The following DGKB variants were observed in gnomAD, a reference collection of about 807,000 sequenced individuals.
The protein encoded by DGKB is 90 kDa diacylglycerol kinase.
A neutral mutation model predicts 114.3 loss-of-function variants in DGKB; 67 were observed. That is an observed-to-expected ratio of 0.59 (90% CI 0.48 to 0.72). The LOEUF (loss-of-function observed/expected upper bound fraction) is 0.72. Among genes scored for constraint, DGKB ranks in the 30% least tolerant of loss-of-function variants. The pLI is 0.00. For synonymous variants in DGKB, 398 were observed against 323.1 expected (o/e 1.23, Z -2.49); for missense variants, 907 against 975.2 (o/e 0.93, Z 0.93).
chr7:14,257,180 A>AATAG (rs1562760171), intron 23 of DGKB, among the ~76,000 whole-genome samples: 1 of 151,942 alleles, frequency 6.6e-6, no homozygotes, highest in Admixed American at 6.6e-5. Flanking sequence ...GAATAAAATA[A>AATAG]AAAAATTTAT....
At chr7:14,626,288 T>A (rs1808573516) in intron 14 of DGKB, among the ~76,000 whole-genome samples, 5 of 152,208 alleles carry the variant, frequency 3.3e-5, no homozygotes, top group Admixed American at 3.3e-4. Context: ...AATCTCAGCA[T>A]GAGAAACTGG....
chr7:14,956,015 C>G (rs1176717293), intron 1 of DGKB, among the ~76,000 whole-genome samples: 1 of 151,850 alleles, frequency 6.6e-6, no homozygotes, highest in African/African-American at 2.4e-5. Flanking sequence ...TATGATCATT[C>G]TAAGACAGAT....
At chr7:14,253,598 T>C (rs928015112) in intron 23 of DGKB, among the ~76,000 whole-genome samples, 1 of 152,260 alleles carries the variant, frequency 6.6e-6, no homozygotes, top group Admixed American at 6.5e-5. Context: ...CTCTCTGGCA[T>C]TAAGTTTATC....
intron 23 of DGKB, among the ~76,000 whole-genome samples, chr7:14,291,655 C>G (rs762020278): frequency 6.6e-6 from 1 of 152,102 alleles, no homozygotes; most frequent in Non-Finnish European, 1.5e-5. Flanking sequence ...TCAATGTAAT[C>G]ACTTTTACAG....
In DGKB at chr7:14,786,558, G is replaced by T. The variant is rs114387201; in HGVS notation, c.71-28827C>A. The stretch of plus-strand genomic sequence containing the variant: ...AGGCGGAAGGCCTGTCCCCTTAAGA[G>T]TTGGTGGGCCAGGAGCCCTGCACTC... On this transcript the variant is annotated intron_variant, in intron 2 of 25. Coordinates refer to ENST00000402815, the MANE Select transcript of DGKB (RefSeq NM_001350709.2). Among the ~76,000 whole-genome samples the T allele has an allele frequency of 8.8e-3, 1,333 of 152,330 alleles. 19 individuals are homozygous for T. Among genetic ancestry groups the T allele is most frequent in the African/African-American group, 0.031 (1,270 of 41,582 alleles).
intron 20 of DGKB, among the ~76,000 whole-genome samples, chr7:14,485,384 T>C (rs1449459795): frequency 6.6e-6 from 1 of 151,574 alleles, no homozygotes; most frequent in Admixed American, 6.6e-5. Flanking sequence ...CAATTTTGCC[T>C]GCTGTGAATA....
intron 23 of DGKB, among the ~76,000 whole-genome samples, chr7:14,287,457 C>T (rs10239380): frequency 0.87 from 132,697 of 152,150 alleles, 58,195 homozygotes; most frequent in African/African-American, 0.97. Context: ...AAATGATTTT[C>T]ATCATGGTTG....
intron 1 of DGKB, among the ~76,000 whole-genome samples, chr7:14,927,406 G>A (rs1784799423): frequency 6.6e-6 from 1 of 151,838 alleles, no homozygotes; most frequent in South Asian, 2.1e-4. Context: ...CAAAACATCT[G>A]TTCTACCACA....
At chr7:14,230,895 T>C (rs1791623065) in intron 23 of DGKB, among the ~76,000 whole-genome samples, 1 of 152,054 alleles carries the variant, frequency 6.6e-6, no homozygotes, top group South Asian at 2.1e-4. Context: ...ATGAGATGTG[T>C]TCTTAACATG....
At chr7:14,718,720 AT>A in intron 5 of DGKB, 35 bp from the exon 6 acceptor site, 1 of 1,469,132 alleles carries the variant, frequency 6.8e-7, no homozygotes, top group Non-Finnish European at 9.4e-7. Context: ...TTTGTTAATT[AT>A]TTACAGTGAT....
intron 21 of DGKB, among the ~76,000 whole-genome samples, chr7:14,463,338 C>A (rs1363893021): frequency 2.6e-5 from 4 of 152,164 alleles, no homozygotes; most frequent in African/African-American, 9.6e-5. Flanking sequence ...CACATGTATA[C>A]CTATGTAACA....
chr7:14,326,631 T>C (rs1232337299), intron 23 of DGKB, among the ~76,000 whole-genome samples: 2 of 152,194 alleles, frequency 1.3e-5, no homozygotes, highest in Non-Finnish European at 2.9e-5. Context: ...TTCTCCTGTC[T>C]ATACATTTTC....
intron 21 of DGKB, among the ~76,000 whole-genome samples, chr7:14,389,778 T>G (rs1220725603): frequency 6.6e-6 from 1 of 152,224 alleles, no homozygotes; most frequent in Non-Finnish European, 1.5e-5. Flanking sequence ...TAGTCAGCCT[T>G]CTGGCTATTG....
At chr7:14,865,258 C>A (rs1327335750) in intron 1 of DGKB, among the ~76,000 whole-genome samples, 1 of 152,172 alleles carries the variant, frequency 6.6e-6, no homozygotes, top group Non-Finnish European at 1.5e-5. Flanking sequence ...ATCCTCAGTT[C>A]CATTGCCTTT....
chr7:14,502,361 C>G, intron 20 of DGKB, among the ~76,000 whole-genome samples: 1 of 151,954 alleles, frequency 6.6e-6, no homozygotes, highest in South Asian at 2.1e-4. Flanking sequence ...CCAACCCCAG[C>G]TGCCAGAGCT....
intron 1 of DGKB, among the ~76,000 whole-genome samples, chr7:14,857,221 TC>T: frequency 7.3e-6 from 1 of 136,560 alleles, no homozygotes; most frequent in Non-Finnish European, 1.6e-5. Flanking sequence ...TCTCTCTCTC[TC>T]TCTCTCTCTT....
chr7:14,280,626 C>T (rs1008545697), intron 23 of DGKB, among the ~76,000 whole-genome samples: 4 of 151,356 alleles, frequency 2.6e-5, no homozygotes, highest in Admixed American at 6.6e-5. Flanking sequence ...TCGGGTTCCC[C>T]TCAAAGGGAA....
intron 23 of DGKB, among the ~76,000 whole-genome samples, chr7:14,187,450 G>T (rs1783610544): frequency 6.6e-6 from 1 of 152,134 alleles, no homozygotes; most frequent in Non-Finnish European, 1.5e-5. Flanking sequence ...CTCATGCTTG[G>T]TCCAACAGCT....
At chr7:14,373,955 C>T (rs1359678005) in intron 21 of DGKB, among the ~76,000 whole-genome samples, 2 of 152,126 alleles carry the variant, frequency 1.3e-5, no homozygotes, top group Non-Finnish European at 2.9e-5. Flanking sequence ...ATCCCCTAGG[C>T]ATCTGCCAAT....
Sources: allele counts gnomAD v4.1 joint callset (sites outside exome capture counted in the v4.1 genomes callset), GRCh38; gene constraint gnomAD v4.1.1; transcripts MANE v1.5; gene names NCBI Gene and HGNC (gene_info 2026-07-23, HGNC 2026-07-21).